The following HS2ST1 variants were observed in gnomAD, a reference collection of about 807,000 sequenced individuals.
HS2ST1 encodes the protein 2-O-sulfotransferase.
Under a neutral mutation model 42.9 loss-of-function variants are expected in HS2ST1, and 18 were observed. The observed-to-expected ratio is 0.42, with a 90% CI of 0.29 to 0.62. The LOEUF (loss-of-function observed/expected upper bound fraction) is 0.62. HS2ST1 is among the 20% of genes least tolerant of loss of function. HS2ST1 has a pLI of 0.21. For synonymous variants in HS2ST1, 146 were observed against 152.9 expected, an observed-to-expected ratio of 0.95 and a Z score of 0.33; for missense variants, 334 against 433.8, an observed-to-expected ratio of 0.77 and a Z score of 2.04.
rs1204237989 is a variant in HS2ST1, at chr1:87,072,939, G to T, written c.130G>T (p.Ala44Ser). Residue 44 changes from alanine to serine, a missense_variant, in exon 2 of 7, where the codon GCT (alanine) becomes TCT (serine). Transcript: ENST00000370550. The stretch of plus-strand genomic sequence containing the variant: ...GTATCTGTTTTTCTTTCCAGAAAGG[G>T]CTATTGCAAGACACGAAGTCCGAGA... ...LEESRSKLER[A>S]IARHEVREIE... The T allele has an allele frequency of 6.2e-7, 1 of 1,612,368 alleles. No individual in the cohort carries two copies. Among genetic ancestry groups the T allele is most frequent in the East Asian group, 2.2e-5 (1 of 44,812 alleles).
At chr1:87,061,293 T>C (rs1333054580) in intron 1 of HS2ST1, among the ~76,000 whole-genome samples, 2 of 152,140 alleles carry the variant, frequency 1.3e-5, no homozygotes, top group African/African-American at 4.8e-5. Context: ...AGGGAACAAT[T>C]CACTGGCATT....
At chr1:87,000,412 T>G (rs935591371) in intron 1 of HS2ST1, among the ~76,000 whole-genome samples, 1 of 152,218 alleles carries the variant, frequency 6.6e-6, no homozygotes, top group African/African-American at 2.4e-5. Context: ...TACCAAAAAG[T>G]ATGTAGAACA....
chr1:87,007,956 AAAG>A (rs1174780811), intron 1 of HS2ST1, among the ~76,000 whole-genome samples: 2 of 152,192 alleles, frequency 1.3e-5, no homozygotes, highest in African/African-American at 2.4e-5. Flanking sequence ...AATTAAAGTA[AAAG>A]TTATTTTTTT....
intron 1 of HS2ST1, among the ~76,000 whole-genome samples, chr1:87,051,966 T>A (rs1028449008): frequency 4.6e-5 from 7 of 152,094 alleles, no homozygotes; most frequent in Non-Finnish European, 8.8e-5. Context: ...ATATAAAAAG[T>A]TTTAGGCCAG....
chr1:86,945,268 G>A (rs1647296639), intron 1 of HS2ST1, among the ~76,000 whole-genome samples: 1 of 152,168 alleles, frequency 6.6e-6, no homozygotes, highest in South Asian at 2.1e-4. Context: ...TAGAAATATA[G>A]AATATTATTG....
chr1:86,960,975 T>C (rs999061716), intron 1 of HS2ST1, among the ~76,000 whole-genome samples: 11 of 152,204 alleles, frequency 7.2e-5, no homozygotes, highest in Non-Finnish European at 1.3e-4. Flanking sequence ...GATACATGTT[T>C]GTAGCAACTT....
chr1:86,949,261 A>G (rs993109687), intron 1 of HS2ST1, among the ~76,000 whole-genome samples: 1 of 151,964 alleles, frequency 6.6e-6, no homozygotes, highest in Non-Finnish European at 1.5e-5. Flanking sequence ...GGCACATACC[A>G]CCATGTCCGT....
chr1:87,037,486 C>T (rs1252020938), intron 1 of HS2ST1, among the ~76,000 whole-genome samples: 1 of 151,338 alleles, frequency 6.6e-6, no homozygotes, highest in Non-Finnish European at 1.5e-5. Context: ...CAGAAAAGTC[C>T]AAAGGTTATG....
At chr1:86,949,789 G>A (rs1327398612) in intron 1 of HS2ST1, among the ~76,000 whole-genome samples, 1 of 152,118 alleles carries the variant, frequency 6.6e-6, no homozygotes, top group Non-Finnish European at 1.5e-5. Context: ...TCTAAGCTAT[G>A]TTTTCAGTTT....
In HS2ST1 at chr1:87,091,291, A is replaced by C. The variant is rs78324706; in HGVS notation, c.450-1240A>C. Among the ~76,000 whole-genome samples, 1,378 of 152,130 alleles carry C rather than the reference A, an allele frequency of 9.1e-3. 23 individuals carry two copies. Among genetic ancestry groups the C allele is most frequent in the African/African-American group, 0.031 (1,303 of 41,532 alleles). ...GCAAAGATATATAAAGAGAAATAGA[A>C]TAAGTATTGATATGGGAGGAGATAA... On this transcript the variant is annotated intron_variant, in intron 3 of 6. Transcript: ENST00000370550.
At chr1:87,088,035 T>C (rs1474885333) in intron 3 of HS2ST1, among the ~76,000 whole-genome samples, 1 of 152,084 alleles carries the variant, frequency 6.6e-6, no homozygotes, top group African/African-American at 2.4e-5. Flanking sequence ...AATGTGATAA[T>C]GTAGATGGAG....
intron 1 of HS2ST1, among the ~76,000 whole-genome samples, chr1:87,031,794 A>G (rs970125716): frequency 2.6e-5 from 4 of 152,228 alleles, no homozygotes; most frequent in African/African-American, 9.6e-5. Flanking sequence ...ATTATAATAA[A>G]CAGAAGGTTG....
intron 1 of HS2ST1, among the ~76,000 whole-genome samples, chr1:86,954,933 C>CA (rs1057236200): frequency 7.9e-5 from 12 of 151,978 alleles, no homozygotes; most frequent in East Asian, 1.9e-4. Flanking sequence ...ATCATCTCTA[C>CA]AAAAAATAGA....
At chr1:87,031,539 A>C (rs4311860) in intron 1 of HS2ST1, among the ~76,000 whole-genome samples, 108,040 of 152,052 alleles carry the variant, frequency 0.71, 40,140 homozygotes, top group East Asian at 0.97. Flanking sequence ...CAAAATGTAA[A>C]TCAGCTAAAG....
At chr1:86,922,343 T>C (rs1660317437) in intron 1 of HS2ST1, among the ~76,000 whole-genome samples, 1 of 151,886 alleles carries the variant, frequency 6.6e-6, no homozygotes, top group Non-Finnish European at 1.5e-5. Flanking sequence ...TTAACTTATA[T>C]TTTAAAAATA....
chr1:86,969,740 T>G (rs1020101794), intron 1 of HS2ST1, among the ~76,000 whole-genome samples: 1 of 151,522 alleles, frequency 6.6e-6, no homozygotes, highest in East Asian at 1.9e-4. Context: ...AATTAAGTTA[T>G]ATAAAATATC....
intron 1 of HS2ST1, among the ~76,000 whole-genome samples, chr1:86,997,778 C>T (rs1292569081): frequency 2.0e-5 from 3 of 152,148 alleles, no homozygotes; most frequent in African/African-American, 7.2e-5. Context: ...GTAGCACATA[C>T]AGCATGAATG....
intron 1 of HS2ST1, among the ~76,000 whole-genome samples, chr1:87,001,227 G>T (rs568412071): frequency 5.5e-4 from 84 of 152,190 alleles, no homozygotes; most frequent in African/African-American, 2.0e-3. Flanking sequence ...CTGTACACAG[G>T]CTACTCCTCA....
chr1:87,070,471 G>T (rs892826647), intron 1 of HS2ST1, among the ~76,000 whole-genome samples: 1 of 151,956 alleles, frequency 6.6e-6, no homozygotes, highest in Non-Finnish European at 1.5e-5. Context: ...TGCACCTGTA[G>T]TCCCAGCTAC....
Sources: allele counts gnomAD v4.1 joint callset (sites outside exome capture counted in the v4.1 genomes callset), GRCh38; gene constraint gnomAD v4.1.1; transcripts MANE v1.5; gene names NCBI Gene and HGNC (gene_info 2026-07-23, HGNC 2026-07-21).